Variants in HDAC8 observed in about 807,000 individuals in gnomAD.
The protein encoded by HDAC8 is histone deacetylase 8, also known as histone deacetylase-like 1.
A neutral mutation model predicts 32.2 loss-of-function variants in HDAC8; 1 was observed. The ratio of observed to expected loss-of-function variants is 0.03; its 90% CI spans 0.01 to 0.15. The LOEUF (loss-of-function observed/expected upper bound fraction) is 0.15. Ranked by LOEUF, HDAC8 falls within the 10% of genes least tolerant of loss-of-function variation. HDAC8 has a pLI of 1.00. For missense variants in HDAC8, 117 were observed against 300.0 expected, an observed-to-expected ratio of 0.39 and a Z score of 4.51; for synonymous variants, 108 against 113.9, an observed-to-expected ratio of 0.95 and a Z score of 0.33.
At chrX:72,457,356 A>C (rs955610739) in intron 9 of HDAC8, among the ~76,000 whole-genome samples, 3 of 112,335 alleles carry the variant, frequency 2.7e-5, no homozygotes, top group African/African-American at 9.7e-5. Context: ...TGGAGGTCCC[A>C]ACCAGTGAAA....
intron 4 of HDAC8, among the ~76,000 whole-genome samples, chrX:72,554,912 G>A (rs186490806): frequency 1.9e-4 from 21 of 112,227 alleles, no homozygotes; most frequent in Non-Finnish European, 3.9e-4. Context: ...CTCCCTATAG[G>A]ACCACAGCTG....
At chrX:72,447,866 A>C (rs1286724995) in intron 9 of HDAC8, among the ~76,000 whole-genome samples, 3 of 111,670 alleles carry the variant, frequency 2.7e-5, no homozygotes, top group Non-Finnish European at 5.6e-5. Flanking sequence ...ACCTAGGAAT[A>C]CAACTTACAA....
intron 9 of HDAC8, among the ~76,000 whole-genome samples, chrX:72,357,636 G>A (rs966537581): frequency 1.8e-5 from 2 of 110,987 alleles, no homozygotes; most frequent in Non-Finnish European, 3.8e-5. Context: ...GGCCTAATGG[G>A]AGTGAGGAGG....
chrX:72,440,846 C>T (rs2047113609), intron 9 of HDAC8, among the ~76,000 whole-genome samples: 3 of 112,536 alleles, frequency 2.7e-5, no homozygotes, highest in Admixed American at 9.3e-5. Context: ...TGCGCTTTTC[C>T]GATGGGCTTA....
chrX:72,422,434 G>A (rs920475260), intron 9 of HDAC8, among the ~76,000 whole-genome samples: 18 of 109,124 alleles, frequency 1.6e-4, no homozygotes, highest in African/African-American at 5.0e-4. Flanking sequence ...TCTGTCTTGT[G>A]CCTGAAGCCT....
chrX:72,356,602 TCTCA>T (rs2044374411), intron 9 of HDAC8, among the ~76,000 whole-genome samples: 1 of 105,244 alleles, frequency 9.5e-6, no homozygotes, highest in South Asian at 4.3e-4. Context: ...GGGGATGGAG[TCTCA>T]CTCTGTCGCC....
chrX:72,486,108 AT>A (rs1477673072), intron 7 of HDAC8, among the ~76,000 whole-genome samples: 1 of 111,745 alleles, frequency 8.9e-6, no homozygotes, highest in African/African-American at 3.3e-5. Context: ...CTCCAAAAAA[AT>A]AAAAATAAAT....
chrX:72,523,280 T>A (rs1390240985), intron 4 of HDAC8, among the ~76,000 whole-genome samples: 1 of 112,101 alleles, frequency 8.9e-6, no homozygotes, highest in African/African-American at 3.2e-5. Context: ...TGTCAATCTT[T>A]TAAATTTTTG....
intron 9 of HDAC8, among the ~76,000 whole-genome samples, chrX:72,414,449 C>G (rs1251880324): frequency 1.8e-5 from 2 of 111,729 alleles, no homozygotes; most frequent in African/African-American, 6.5e-5. Context: ...AGCGAAATAA[C>G]TAATACAAAG....
chrX:72,500,274 T>C (rs1452237260), intron 4 of HDAC8, among the ~76,000 whole-genome samples: 1 of 111,802 alleles, frequency 8.9e-6, no homozygotes, highest in Non-Finnish European at 1.9e-5. Context: ...CCTCGACTCA[T>C]TCTATGAGAG....
At chrX:72,554,671 G>A (rs1366401080) in intron 4 of HDAC8, among the ~76,000 whole-genome samples, 1 of 111,450 alleles carries the variant, frequency 9.0e-6, no homozygotes, top group Non-Finnish European at 1.9e-5. Context: ...ATCCCCCTGG[G>A]AATGTAACTC....
intron 5 of HDAC8, among the ~76,000 whole-genome samples, chrX:72,492,316 G>A (rs1817202357): frequency 8.9e-6 from 1 of 111,772 alleles, no homozygotes; most frequent in Non-Finnish European, 1.9e-5. Context: ...TTGAGTATTA[G>A]AGTGTTGAGC....
intron 10 of HDAC8, among the ~76,000 whole-genome samples, chrX:72,339,948 T>C (rs2043843979): frequency 8.9e-6 from 1 of 111,998 alleles, no homozygotes; most frequent in Non-Finnish European, 1.9e-5. Flanking sequence ...AAACTGCCAA[T>C]CACCACTTGT....
At chrX:72,538,495 A>G (rs2050604552) in intron 4 of HDAC8, among the ~76,000 whole-genome samples, 1 of 111,632 alleles carries the variant, frequency 9.0e-6, no homozygotes, top group South Asian at 3.8e-4. Flanking sequence ...CTTGGTTCTT[A>G]TATTTAAACA....
At chrX:72,474,081 A>G in intron 7 of HDAC8, 4 of 729,774 alleles carry the variant, frequency 5.5e-6, no homozygotes, top group Non-Finnish European at 6.5e-6. Flanking sequence ...AACTTGACCC[A>G]GATTTTATAA....
Position 72,329,663 on chromosome X carries a change from T to C in HDAC8, c.*391A>G. On this transcript the variant is annotated 3_prime_UTR_variant, in exon 11 of 11. Coordinates refer to ENST00000373573, the MANE Select transcript of HDAC8 (RefSeq NM_018486.3). ...GGTCCTGAGGCCCAAACCCTGCCTG[T>C]CAGCTGCCTCCTGCCCTACAAACTG... The C allele has an allele frequency of 8.4e-7, 1 of 1,186,109 alleles. No homozygotes were observed. Among genetic ancestry groups the C allele is most frequent in the African/African-American group, 1.8e-5 (1 of 57,119 alleles).
intron 9 of HDAC8, among the ~76,000 whole-genome samples, chrX:72,389,359 A>G (rs180928824): frequency 9.2e-4 from 103 of 112,041 alleles, no homozygotes; most frequent in Non-Finnish European, 1.4e-3. Flanking sequence ...TCCATTATGG[A>G]GTTTTGTGAG....
At chrX:72,374,545 G>A (rs1488854700) in intron 9 of HDAC8, among the ~76,000 whole-genome samples, 39 of 110,769 alleles carry the variant, frequency 3.5e-4, no homozygotes, top group Admixed American at 1.0e-3. Context: ...GGTAGCACAC[G>A]CCTGTAGTCC....
At chrX:72,402,540 C>T (rs2045935143) in intron 9 of HDAC8, among the ~76,000 whole-genome samples, 1 of 109,290 alleles carries the variant, frequency 9.1e-6, no homozygotes, top group African/African-American at 3.3e-5. Context: ...TCTTGGTATG[C>T]TGCCTCTTCA....
Sources: gnomAD v4.1 joint callset for allele counts (sites outside exome capture counted in the v4.1 genomes callset) on GRCh38, gnomAD v4.1.1 for gene constraint, MANE v1.5 for transcripts, NCBI Gene and HGNC (gene_info 2026-07-23, HGNC 2026-07-21) for gene names.